Variants in ZNF211 observed in about 807,000 individuals in gnomAD.
ZNF211 encodes the protein zinc finger protein C2H2-25.
ZNF211 carries 18 observed loss-of-function variants against 12.1 expected under a neutral mutation model. The observed-to-expected ratio is 1.48, with a 90% CI of 1.03 to 2.20. ZNF211 has a LOEUF of 2.20. Among genes scored for constraint, ZNF211 ranks in the 30% most tolerant of loss-of-function variants. The probability of loss-of-function intolerance (pLI) is 0.00; values close to 1 mark genes in which losing one functional copy is unlikely to be tolerated. For missense variants in ZNF211, 677 were observed against 703.1 expected, an observed-to-expected ratio of 0.96 and a Z score of 0.42; for synonymous variants, 249 against 246.0, an observed-to-expected ratio of 1.01 and a Z score of -0.11.
At chr19:57,637,731 C>T (rs1437782966) in intron 3 of ZNF211, among the ~76,000 whole-genome samples, 1 of 152,052 alleles carries the variant, frequency 6.6e-6, no homozygotes, top group Non-Finnish European at 1.5e-5. Flanking sequence ...ATCTTTGTGT[C>T]ATTTGGAATC....
chr19:57,639,197 A>G lies in ZNF211; in HGVS notation c.257-1507A>G, dbSNP rs368505758. Among the ~76,000 whole-genome samples, 91 of 152,024 alleles carry G rather than the reference A, an allele frequency of 6.0e-4. 1 individual carries two copies. The South Asian group carries it at 0.019, about 31-fold the overall frequency. On this transcript the variant is annotated intron_variant, in intron 3 of 3. Transcript: ENST00000240731. ...TTTGTCTTTTGGCAGAGTTTAAGCT[A>G]AAAGTTGGGAGCATTTAAGGCATTT...
intron 1 of ZNF211, 181 bp from the exon 2 acceptor site, chr19:57,633,842 G>T: frequency 6.3e-7 from 1 of 1,597,562 alleles, no homozygotes; most frequent in African/African-American, 1.3e-5. Flanking sequence ...GGCAGAGGGA[G>T]GTTGAATATT....
Position 57,641,120 on chromosome 19 carries a change from C to A in ZNF211, c.673C>A (p.Pro225Thr), listed in dbSNP as rs936386547. 2 of 1,614,084 alleles carry A rather than the reference C, an allele frequency of 1.2e-6. No homozygotes were observed. The highest frequency in any genetic ancestry group is 3.3e-5 in the Admixed American group (2 of 60,006). The change falls in exon 4 of 4, where the codon CCA becomes ACA. Residue 225 changes from proline (P) to threonine (T), a missense_variant. Transcript: ENST00000240731. ...HQDATQTGEKPNNSNKCAVAF... is the reference protein window; with the variant it reads ...HQDATQTGEKTNNSNKCAVAF... ...AGACGCCACTCAAACAGGGGAGAAG[C>A]CAAATAACAGTAACAAGTGTGCGGT...
chr19:57,633,544 G>T (rs1460468469), intron 1 of ZNF211, 108 bp downstream of exon 1: 9 of 1,494,620 alleles, frequency 6.0e-6, no homozygotes, highest in Non-Finnish European at 8.0e-6. Flanking sequence ...TGAGGCTCGT[G>T]GGTGGGGCCC....
At position 57,633,355 on chromosome 19, in the gene ZNF211, G is replaced by A; in HGVS notation, c.9G>A (p.Gly3=). 1 of 1,593,492 alleles carries A rather than the reference G, an allele frequency of 6.3e-7. No homozygotes were observed. Among genetic ancestry groups the A allele is most frequent in the Non-Finnish European group, 8.5e-7 (1 of 1,173,290 alleles). ...CCGGCCTGGGGATAGCGATGCTCGGGTTCCCCCCGGGTCGCCCGCAGCTCC... is the reference window on the plus strand; with the variant it reads ...CCGGCCTGGGGATAGCGATGCTCGGATTCCCCCCGGGTCGCCCGCAGCTCC... The part of the protein sequence containing the change: ML[G]FPPGRPQLPV... The change falls in exon 1 of 4, where the codon GGG becomes GGA. Residue 3 remains glycine, a synonymous_variant. Coordinates refer to ENST00000240731, the MANE Select transcript of ZNF211 (RefSeq NM_006385.5).
At chr19:57,635,126 G>A (rs900935461) in intron 3 of ZNF211, among the ~76,000 whole-genome samples, 1 of 152,126 alleles carries the variant, frequency 6.6e-6, no homozygotes, top group African/African-American at 2.4e-5. Flanking sequence ...TACACAGACT[G>A]TTCTTCAACC....
At chr19:57,639,677 C>G (rs531096487) in intron 3 of ZNF211, among the ~76,000 whole-genome samples, 46 of 151,974 alleles carry the variant, frequency 3.0e-4, no homozygotes, top group African/African-American at 1.0e-3. Flanking sequence ...CCACCCACCT[C>G]AGCCTCCCAA....
rs570834253 is a variant in ZNF211, at chr19:57,642,100, G to C, written c.1653G>C (p.Gln551His). 8.1e-6 allele frequency: 13 copies of C among 1,614,132 alleles called. No homozygotes were observed. In the African/African-American group the frequency reaches 1.3e-4, roughly 17 times the overall value. The change falls in exon 4 of 4, where the codon CAG becomes CAC. Residue 551 changes from glutamine (Q) to histidine (H), a missense_variant. By Grantham distance (24) the Gln-to-His change is conservative. Coordinates refer to ENST00000240731, the MANE Select transcript of ZNF211 (RefSeq NM_006385.5). The stretch of plus-strand genomic sequence containing the variant: ...TTCACACGGGAAAAAGGCCTTATCA[G>C]TGCAGTCAATGTGGGAAATCCTTTG... ...RRVHTGKRPY[Q>H]CSQCGKSFGC...
intron 1 of ZNF211, 23 bp downstream of exon 1, chr19:57,633,459 C>T: frequency 6.3e-7 from 1 of 1,575,952 alleles, no homozygotes. Flanking sequence ...ATCTCCGGGC[C>T]TCCCCCGGCC....
chr19:57,641,725 T>C lies in ZNF211; in HGVS notation c.1278T>C (p.Ile426=), dbSNP rs370520560. 146 of 1,613,610 alleles carry C rather than the reference T, an allele frequency of 9.0e-5. No individual in the cohort carries two copies. In the Middle Eastern group the frequency reaches 1.3e-3, roughly 15 times the overall value. Residue 426 remains isoleucine (I), a synonymous_variant, in exon 4 of 4, where the codon ATT becomes ATC. Transcript: ENST00000240731. ...GKSFSRSSSL[I]HHRRLHTGER... is the part of the protein sequence containing the mutation. Reference sequence around the variant, plus strand: ...CCTTTAGCCGAAGCTCCAGCCTCATTCACCACCGGAGACTTCACACTGGAG... The same window carrying C: ...CCTTTAGCCGAAGCTCCAGCCTCATCCACCACCGGAGACTTCACACTGGAG...
At chr19:57,638,173 A>G (rs112944319) in intron 3 of ZNF211, among the ~76,000 whole-genome samples, 8,654 of 152,216 alleles carry the variant, frequency 0.057, 329 homozygotes, top group South Asian at 0.098. Context: ...TGCTGGAATT[A>G]CAGGCATGAG....
chr19:57,640,945 CCAGAGGCAGCACATTA>C lies in ZNF211; in HGVS notation c.507_522del (p.Gln169HisfsTer17). ...ACATCAGTGCAAATCTTCAACAGCA[CCAGAGGCAGCACATTA>C]CAGAGGCACCTTTCAGAAGTTATGT... On this transcript the variant is annotated frameshift_variant, in exon 4 of 4. Coordinates refer to ENST00000240731, the MANE Select transcript of ZNF211 (RefSeq NM_006385.5). LOFTEE classifies it low-confidence loss of function (END_TRUNC). 6.2e-7 allele frequency: 1 copy of C among 1,614,198 alleles called. No homozygotes were observed. The highest frequency in any genetic ancestry group is 8.5e-7 in the Non-Finnish European group (1 of 1,180,030).
In ZNF211 at chr19:57,641,353, ATG is replaced by A; in HGVS notation, c.909_910del (p.Cys303TrpfsTer27). 6.2e-7 allele frequency: 1 copy of A among 1,614,222 alleles called. No individual in the cohort carries two copies. Among genetic ancestry groups the A allele is most frequent in the South Asian group, 1.1e-5 (1 of 91,086 alleles). ...SEERPYECNE[C>X]GKFFTYYSSF... is the part of the protein sequence containing the mutation. The stretch of plus-strand genomic sequence containing the variant: ...AAGAAAGGCCTTATGAATGCAATGA[ATG>A]TGGAAAATTCTTTACCTACTACTCC... On this transcript the variant is annotated frameshift_variant, in exon 4 of 4. Transcript: ENST00000240731. LOFTEE classifies it low-confidence loss of function (END_TRUNC).
In ZNF211 at chr19:57,640,998, C is replaced by T. The variant is rs767942979; in HGVS notation, c.551C>T (p.Ser184Leu). The T allele has an allele frequency of 2.9e-5, 47 of 1,614,070 alleles. 1 individual carries two copies. Among genetic ancestry groups the T allele is most frequent in the Non-Finnish European group, 3.4e-5 (40 of 1,180,054 alleles). ...APFRSYVDTA[S>L]FTQSCIVHVS... ...TTCAGAAGTTATGTGGACACTGCCT[C>T]GTTTACACAGAGTTGCATAGTCCAT... The change falls in exon 4 of 4, where the codon TCG becomes TTG. Residue 184 changes from serine (S) to leucine (L), a missense_variant. Coordinates refer to ENST00000240731, the MANE Select transcript of ZNF211 (RefSeq NM_006385.5).
At position 57,633,943 on chromosome 19, in the gene ZNF211, G is replaced by A. The variant is rs766445328; in HGVS notation, c.91-80G>A. ...ACCCAAAGTTACGTGGCTCTGGGCC[G>A]GGGCAAGGGTACAGGGAAGGCCTGT... On this transcript the variant is annotated intron_variant, in intron 1 of 3. Transcript: ENST00000240731. 2.5e-6 allele frequency: 4 copies of A among 1,606,436 alleles called. No individual in the cohort carries two copies. In the South Asian group the frequency reaches 3.3e-5, roughly 13 times the overall value.
intron 3 of ZNF211, among the ~76,000 whole-genome samples, chr19:57,636,783 A>G (rs576539580): frequency 2.0e-5 from 3 of 152,306 alleles, no homozygotes; most frequent in Admixed American, 2.0e-4. Flanking sequence ...CGCACTTTCT[A>G]TAGATTACTT....
chr19:57,642,431 C>T lies in ZNF211; in HGVS notation c.*250C>T. ...TTCTGAGGCAGAAGCCGTATCATGT[C>T]TACCACCTGTGAGGTCCACACAGTG... On this transcript the variant is annotated 3_prime_UTR_variant, in exon 4 of 4. Transcript: ENST00000240731. 2 of 478,808 alleles carry T rather than the reference C, an allele frequency of 4.2e-6. No individual in the cohort carries two copies. The highest frequency in any genetic ancestry group is 3.7e-6 in the Non-Finnish European group (1 of 268,670). 29.7% of individuals were successfully genotyped at this position (478,808 alleles called of 1,614,324 possible). A position where few individuals can be genotyped will look rare whatever the true frequency, so the allele number is the denominator to read the frequency against.
intron 3 of ZNF211, among the ~76,000 whole-genome samples, chr19:57,637,276 G>A (rs1340558526): frequency 2.0e-5 from 3 of 149,734 alleles, no homozygotes; most frequent in Admixed American, 6.7e-5. Flanking sequence ...TCATTGTTGA[G>A]TATAATTTTA....
In ZNF211 at chr19:57,639,408, CTTTTTTTTTTTTT is replaced by C. The variant is rs55696059; in HGVS notation, c.257-1277_257-1265del. ...CTTCCCTTGTCATTTCCTTTATGTA[CTTTTTTTTTTTTT>C]TTTTTTTTTTTTTTTTTTAATGGTG... On this transcript the variant is annotated intron_variant, in intron 3 of 3. Coordinates refer to ENST00000240731, the MANE Select transcript of ZNF211 (RefSeq NM_006385.5). Among the ~76,000 whole-genome samples, 41 of 20,764 alleles carry C rather than the reference CTTTTTTTTTTTTT, an allele frequency of 2.0e-3. 3 individuals carry two copies. The highest frequency in any genetic ancestry group is 7.6e-3 in the African/African-American group (36 of 4,752). 13.6% of individuals were successfully genotyped at this position (20,764 alleles called of 152,430 possible). A position where few individuals can be genotyped will look rare whatever the true frequency, so the allele number is the denominator to read the frequency against.
Sources: gnomAD v4.1 joint callset for allele counts (sites outside exome capture counted in the v4.1 genomes callset) on GRCh38, gnomAD v4.1.1 for gene constraint, MANE v1.5 for transcripts, NCBI Gene and HGNC (gene_info 2026-07-23, HGNC 2026-07-21) for gene names.